Variants in SMPDL3A observed in about 807,000 individuals in gnomAD.
SMPDL3A encodes the protein sphingomyelin phosphodiesterase acid like 3A.
In SMPDL3A, 39 loss-of-function variants were observed where a neutral mutation model predicts 38.5. The ratio of observed to expected loss-of-function variants is 1.01; its 90% CI spans 0.78 to 1.32. SMPDL3A has a LOEUF of 1.32. Ranked by LOEUF, SMPDL3A falls within the 40% of genes most tolerant of loss-of-function variation. SMPDL3A has a pLI of 0.00. For missense variants in SMPDL3A, 502 were observed against 536.2 expected (o/e 0.94, Z 0.63); for synonymous variants, 180 against 194.3 (o/e 0.93, Z 0.61).
chr6:122,790,983 AGTCTGAAGTGTTACTGGAGTTCAAAG>A (rs1781058456), intron 1 of SMPDL3A, among the ~76,000 whole-genome samples: 1 of 152,166 alleles, frequency 6.6e-6, no homozygotes, highest in Non-Finnish European at 1.5e-5. Flanking sequence ...GGAGTTCGAA[AGTCTGAAGTGTTACTGGAGTTCAAAG>A]GTCTGAAGTG....
At chr6:122,792,579 T>G (rs925158675) in intron 1 of SMPDL3A, among the ~76,000 whole-genome samples, 1 of 152,120 alleles carries the variant, frequency 6.6e-6, no homozygotes, top group African/African-American at 2.4e-5. Context: ...TTTCCCCTAA[T>G]CTTCACAGTA....
At chr6:122,806,428 A>T in intron 7 of SMPDL3A, 71 bp downstream of exon 7, 1 of 1,467,760 alleles carries the variant, frequency 6.8e-7, no homozygotes, top group East Asian at 2.3e-5. Flanking sequence ...ATTTAGTTGA[A>T]TTTTTCTCAG....
intron 1 of SMPDL3A, among the ~76,000 whole-genome samples, chr6:122,791,670 C>T (rs993300917): frequency 6.6e-6 from 1 of 151,890 alleles, no homozygotes; most frequent in Non-Finnish European, 1.5e-5. Flanking sequence ...TTTTGGAAGT[C>T]TTTTTAAAAA....
intron 3 of SMPDL3A, among the ~76,000 whole-genome samples, chr6:122,797,682 G>A (rs1781297097): frequency 6.6e-6 from 1 of 152,206 alleles, no homozygotes; most frequent in Non-Finnish European, 1.5e-5. Flanking sequence ...ATTGTCTCCT[G>A]TGGTACAAAT....
At position 122,801,088 on chromosome 6, in the gene SMPDL3A, C is replaced by T. The variant is rs116842339; in HGVS notation, c.472-222C>T. ...TGATTGTTCTTGCTTCTAGGCTCCC[C>T]GGACCTCTGGGTAGTGCCCAGCACA... On this transcript the variant is annotated intron_variant, in intron 3 of 7. Coordinates refer to ENST00000368440, the MANE Select transcript of SMPDL3A (RefSeq NM_006714.5). 8.7e-4 allele frequency among the ~76,000 whole-genome samples: 133 copies of T among 152,242 alleles called. 1 individual carries two copies. In the East Asian group the frequency reaches 0.023, roughly 26 times the overall value.
intron 1 of SMPDL3A, among the ~76,000 whole-genome samples, chr6:122,791,455 G>A (rs1279746141): frequency 6.6e-6 from 1 of 152,160 alleles, no homozygotes; most frequent in African/African-American, 2.4e-5. Flanking sequence ...CAATAGCTAA[G>A]TTTGGCCAAT....
Position 122,809,306 on chromosome 6 carries a change from T to A in SMPDL3A, c.1260T>A (p.Cys420Ter). The A allele has an allele frequency of 6.2e-7, 1 of 1,613,748 alleles. No homozygotes were observed. Residue 420 changes from cysteine to a stop codon, truncating the protein, a stop_gained, in exon 8 of 8, where the codon TGT (cysteine) becomes TGA (stop). Transcript: ENST00000368440. LOFTEE classifies it low-confidence loss of function (END_TRUNC). ...TGAGTTATGACAGCAGTGTAACATG[T>A]GATAAGACATGTAAGGCCTTTCAGA... ...FFVSYDSSVTCDKTCKAFQIC... is the reference protein window; with the variant it reads ...FFVSYDSSVT
Position 122,809,333 on chromosome 6 carries a change from T to A in SMPDL3A, c.1287T>A (p.Ile429=). ...ATAAGACATGTAAGGCCTTTCAGAT[T>A]TGTGCAATTATGAATCTTGATAATA... ...TCDKTCKAFQ[I]CAIMNLDNIS... is the part of the protein sequence containing the mutation. Residue 429 remains isoleucine, a synonymous_variant, in exon 8 of 8, where the codon ATT becomes ATA. Transcript: ENST00000368440. 1 of 1,614,058 alleles carries A rather than the reference T, an allele frequency of 6.2e-7. No individual in the cohort carries two copies. The highest frequency in any genetic ancestry group is 8.5e-7 in the Non-Finnish European group (1 of 1,179,944).
Position 122,789,337 on chromosome 6 carries a change from G to A in SMPDL3A, c.-10G>A, listed in dbSNP as rs1780975373. On this transcript the variant is annotated 5_prime_UTR_variant, in exon 1 of 8. Coordinates refer to ENST00000368440, the MANE Select transcript of SMPDL3A (RefSeq NM_006714.5). ...CAGCCCGAACCTCCAGGTCAGCCCC[G>A]CGGCCCTCCATGGCGCTGGTGCGCG... The A allele has an allele frequency of 1.9e-6, 3 of 1,538,724 alleles. No homozygotes were observed. Among genetic ancestry groups the A allele is most frequent in the Non-Finnish European group, 8.8e-7 (1 of 1,142,094 alleles).
At chr6:122,808,552 A>G (rs1204656888) in intron 7 of SMPDL3A, among the ~76,000 whole-genome samples, 1 of 151,596 alleles carries the variant, frequency 6.6e-6, no homozygotes, top group African/African-American at 2.4e-5. Context: ...CATCATTTTT[A>G]AAATTGAAAA....
Position 122,795,548 on chromosome 6 carries a change from C to G in SMPDL3A, c.113-129C>G, listed in dbSNP as rs757954908. 27 of 676,298 alleles carry G rather than the reference C, an allele frequency of 4.0e-5. 2 individuals are homozygous for G. The highest frequency in any genetic ancestry group is 3.5e-4 in the South Asian group (18 of 50,728). 41.9% of individuals were successfully genotyped at this position (676,298 alleles called of 1,614,324 possible). On this transcript the variant is annotated intron_variant, in intron 1 of 7. Transcript: ENST00000368440. Reference sequence around the variant, plus strand: ...TGTATTTAACTTCGAGGCTTATGAACATTTAAATTACCAAGGCTTTCCTCC... The same window carrying G: ...TGTATTTAACTTCGAGGCTTATGAAGATTTAAATTACCAAGGCTTTCCTCC...
At chr6:122,805,839 C>T (rs139330200) in intron 6 of SMPDL3A, among the ~76,000 whole-genome samples, 15 of 152,256 alleles carry the variant, frequency 9.9e-5, no homozygotes, top group South Asian at 4.2e-4. Context: ...GTGATCTGCC[C>T]GCCTCGGCCT....
At chr6:122,798,206 C>G (rs916099784) in intron 3 of SMPDL3A, among the ~76,000 whole-genome samples, 13 of 152,026 alleles carry the variant, frequency 8.6e-5, no homozygotes, top group African/African-American at 3.1e-4. Flanking sequence ...ACTTCTTGTC[C>G]CTGGCCTACT....
chr6:122,799,066 C>CTA (rs1781342229), intron 3 of SMPDL3A, among the ~76,000 whole-genome samples: 1 of 152,150 alleles, frequency 6.6e-6, no homozygotes. Flanking sequence ...TTCATAAGTG[C>CTA]TATTTTTCCA....
At position 122,803,699 on chromosome 6, in the gene SMPDL3A, A is replaced by T; in HGVS notation, c.604A>T (p.Asn202Tyr). 1 of 1,613,530 alleles carries T rather than the reference A, an allele frequency of 6.2e-7. No individual in the cohort carries two copies. The highest frequency in any genetic ancestry group is 8.5e-7 in the Non-Finnish European group (1 of 1,179,846). Residue 202 changes from asparagine (N) to tyrosine (Y), a missense_variant, in exon 5 of 8, where the codon AAC becomes TAC. Asn to Tyr is a moderately radical substitution (Grantham distance 143). Coordinates refer to ENST00000368440, the MANE Select transcript of SMPDL3A (RefSeq NM_006714.5). The part of the protein sequence containing the change: ...FYSQKVTTNP[N>Y]LRIISLNTNL... ...TTCACAGAAAGTTACAACTAATCCA[A>T]ACCTTAGGATCATCAGTCTAAACAC...
At chr6:122,808,886 G>A (rs1320187903) in intron 7 of SMPDL3A, among the ~76,000 whole-genome samples, 1 of 151,750 alleles carries the variant, frequency 6.6e-6, no homozygotes, top group African/African-American at 2.4e-5. Context: ...TAGAGATGGG[G>A]TTTCACCATG....
intron 4 of SMPDL3A, among the ~76,000 whole-genome samples, chr6:122,803,453 C>T (rs6569287): frequency 0.83 from 126,492 of 152,186 alleles, 53,281 homozygotes; most frequent in East Asian, 0.99. Flanking sequence ...ATGTTGGAAG[C>T]GATAGCACGG....
chr6:122,798,587 C>T (rs1194977062), intron 3 of SMPDL3A, among the ~76,000 whole-genome samples: 1 of 152,186 alleles, frequency 6.6e-6, no homozygotes, highest in African/African-American at 2.4e-5. Flanking sequence ...CCTTGCAAAG[C>T]TTTTGTGAGC....
chr6:122,789,343 C>T lies in SMPDL3A; in HGVS notation c.-4C>T. The T allele has an allele frequency of 6.5e-7, 1 of 1,542,640 alleles. No individual in the cohort carries two copies. Among genetic ancestry groups the T allele is most frequent in the Non-Finnish European group, 8.7e-7 (1 of 1,144,184 alleles). ...GAACCTCCAGGTCAGCCCCGCGGCC[C>T]TCCATGGCGCTGGTGCGCGCACTCG... On this transcript the variant is annotated 5_prime_UTR_variant, in exon 1 of 8. Transcript: ENST00000368440.
Sources: gnomAD v4.1 joint callset for allele counts (sites outside exome capture counted in the v4.1 genomes callset) on GRCh38, gnomAD v4.1.1 for gene constraint, MANE v1.5 for transcripts, NCBI Gene and HGNC (gene_info 2026-07-23, HGNC 2026-07-21) for gene names.